Variants in ASTN2 observed in about 807,000 individuals in gnomAD.
The protein encoded by ASTN2 is astrotactin-2.
Under a neutral mutation model 139.8 loss-of-function variants are expected in ASTN2, and 54 were observed. The ratio of observed to expected loss-of-function variants is 0.39; its 90% confidence interval spans 0.31 to 0.48. The LOEUF (loss-of-function observed/expected upper bound fraction) is 0.48. Ranked by LOEUF, ASTN2 falls within the 20% of genes least tolerant of loss-of-function variation. ASTN2 has a pLI of 0.95. For synonymous variants in ASTN2, 756 were observed against 719.5 expected (o/e 1.05, Z -0.81); for missense variants, 1,565 against 1,725.1 (o/e 0.91, Z 1.64).
intron 10 of ASTN2, among the ~76,000 whole-genome samples, chr9:116,964,252 TGTGTGCGCGCGCGCGC>T (rs1356352679): frequency 6.5e-4 from 84 of 128,992 alleles, no homozygotes; most frequent in African/African-American, 2.5e-3. Flanking sequence ...TGTGTGTGTG[TGTGTGCGCGCGCGCGC>T]GTGTGTGTTG....
intron 19 of ASTN2, among the ~76,000 whole-genome samples, chr9:116,518,022 A>G (rs1850719825): frequency 1.3e-5 from 2 of 152,322 alleles, no homozygotes; most frequent in South Asian, 4.1e-4. Context: ...TAAACATCCA[A>G]ACTTAAGAAT....
At chr9:117,202,491 C>G (rs1251198677) in intron 3 of ASTN2, among the ~76,000 whole-genome samples, 1 of 152,060 alleles carries the variant, frequency 6.6e-6, no homozygotes, top group Non-Finnish European at 1.5e-5. Flanking sequence ...TTTTTCCTTT[C>G]ATATTTAGTG....
At chr9:116,696,520 CTTCT>C (rs1860861855) in intron 16 of ASTN2, among the ~76,000 whole-genome samples, 1 of 152,160 alleles carries the variant, frequency 6.6e-6, no homozygotes, top group African/African-American at 2.4e-5. Flanking sequence ...CTTTTGCCCA[CTTCT>C]TTCTTCCCTC....
chr9:116,513,673 A>G (rs1255389729), intron 19 of ASTN2, among the ~76,000 whole-genome samples: 3 of 152,148 alleles, frequency 2.0e-5, no homozygotes, highest in East Asian at 3.9e-4. Flanking sequence ...ACATAGTCCC[A>G]TATTTCTTGG....
rs751633983 is a variant in ASTN2 at position 116,975,228 on chromosome 9, C to G, written c.1869G>C (p.Thr623=). 4 of 1,612,080 alleles carry G rather than the reference C, an allele frequency of 2.5e-6. No individual in the cohort carries two copies. Among genetic ancestry groups the G allele is most frequent in the Non-Finnish European group, 3.4e-6 (4 of 1,179,084 alleles). The change falls in exon 10 of 23, where the codon ACG becomes ACC. Residue 623 remains threonine, a synonymous_variant. Coordinates refer to ENST00000313400, the MANE Select transcript of ASTN2 (RefSeq NM_001365068.1). ...CCTACCTGACATCTGCAGGGTCTTC[C>G]GTGACGAGCACATCGGTCTTGCAGC... is the stretch of plus-strand genomic sequence containing the variant. ...LASCKTDVLV[T]EDPADVREEA... is the part of the protein sequence containing the mutation.
intron 19 of ASTN2, among the ~76,000 whole-genome samples, chr9:116,617,151 T>A (rs1222722584): frequency 6.6e-6 from 1 of 152,186 alleles, no homozygotes; most frequent in Non-Finnish European, 1.5e-5. Context: ...ATGTTGTCCA[T>A]AATCTGGGCT....
At chr9:117,084,898 T>A (rs142299430) in intron 5 of ASTN2, among the ~76,000 whole-genome samples, 1 of 152,182 alleles carries the variant, frequency 6.6e-6, no homozygotes, top group African/African-American at 2.4e-5. Flanking sequence ...ATTCTTGGAA[T>A]TGGCATTTTA....
At chr9:117,038,475 T>C (rs1318583692) in intron 6 of ASTN2, among the ~76,000 whole-genome samples, 1 of 152,134 alleles carries the variant, frequency 6.6e-6, no homozygotes, top group Non-Finnish European at 1.5e-5. Flanking sequence ...TCTTGTTACA[T>C]GTCCTTATCA....
At chr9:116,450,322 GCCTACTGACT>G (rs138440709) in intron 20 of ASTN2, among the ~76,000 whole-genome samples, 40,459 of 151,954 alleles carry the variant, frequency 0.27, 5,764 homozygotes, top group Admixed American at 0.4. Context: ...CCAGAGGAAA[GCCTACTGACT>G]CCAATGTAGA....
chr9:117,293,880 G>A (rs983299304), intron 1 of ASTN2, among the ~76,000 whole-genome samples: 3 of 152,256 alleles, frequency 2.0e-5, no homozygotes. Context: ...AGTTCCATGT[G>A]CTGCTGGCTA....
At chr9:117,098,001 G>C (rs10122215) in intron 4 of ASTN2, among the ~76,000 whole-genome samples, 1,856 of 152,252 alleles carry the variant, frequency 0.012, 42 homozygotes, top group African/African-American at 0.042. Context: ...ATAAAGCAAA[G>C]ATGCAAAGAC....
At chr9:117,358,131 C>T (rs1204116577) in intron 1 of ASTN2, among the ~76,000 whole-genome samples, 1 of 152,078 alleles carries the variant, frequency 6.6e-6, no homozygotes, top group Non-Finnish European at 1.5e-5. Flanking sequence ...GTTTAAGAAG[C>T]CTTCTAGTTT....
chr9:116,597,299 A>ATTTCTGTTTTT (rs1854628928), intron 19 of ASTN2, among the ~76,000 whole-genome samples: 1 of 75,532 alleles, frequency 1.3e-5, no homozygotes, highest in Admixed American at 1.9e-4. Flanking sequence ...CTTTTGATCT[A>ATTTCTGTTTTT]TTTTTTTTTT....
At position 116,794,914 on chromosome 9, in the gene ASTN2, C is replaced by G. The variant is rs567330356; in HGVS notation, c.2396+10718G>C. Reference sequence around the variant, plus strand: ...AGCTTTATGCTGTTTGAAAGGGCCTCCTTTCCTATTGGGCAAGTGGCACTT... The same window carrying G: ...AGCTTTATGCTGTTTGAAAGGGCCTGCTTTCCTATTGGGCAAGTGGCACTT... On this transcript the variant is annotated intron_variant, in intron 13 of 22. Transcript: ENST00000313400. 2.0e-5 allele frequency among the ~76,000 whole-genome samples: 3 copies of G among 152,264 alleles called. No individual in the cohort carries two copies. In the South Asian group the frequency reaches 6.2e-4, roughly 32 times the overall value.
chr9:116,510,258 T>C (rs987436382), intron 19 of ASTN2, among the ~76,000 whole-genome samples: 2 of 152,218 alleles, frequency 1.3e-5, no homozygotes, highest in African/African-American at 2.4e-5. Context: ...ATTTGTTAAA[T>C]AGGGAATCCT....
intron 2 of ASTN2, among the ~76,000 whole-genome samples, chr9:117,231,047 T>C (rs937183398): frequency 6.6e-6 from 1 of 152,196 alleles, no homozygotes; most frequent in Non-Finnish European, 1.5e-5. Context: ...GACCTTATCA[T>C]CAGGTAGGGT....
chr9:117,264,187 G>A (rs182143557), intron 2 of ASTN2, among the ~76,000 whole-genome samples: 5 of 151,768 alleles, frequency 3.3e-5, no homozygotes, highest in Admixed American at 3.3e-4. Context: ...TTTTCTAGGT[G>A]ATACTGAGTT....
chr9:117,281,712 C>T (rs1484554568), intron 2 of ASTN2, among the ~76,000 whole-genome samples: 2 of 152,072 alleles, frequency 1.3e-5, no homozygotes, highest in African/African-American at 2.4e-5. Flanking sequence ...CCAACCTGTC[C>T]GCCCCTCCCC....
At chr9:116,602,208 G>A (rs576597779) in intron 19 of ASTN2, among the ~76,000 whole-genome samples, 3 of 152,282 alleles carry the variant, frequency 2.0e-5, no homozygotes, top group East Asian at 3.9e-4. Context: ...AGAAGACAGA[G>A]GGGAGTAAGC....
Sources: allele counts gnomAD v4.1 joint callset (sites outside exome capture counted in the v4.1 genomes callset), GRCh38; gene constraint gnomAD v4.1.1; transcripts MANE v1.5; gene names NCBI Gene and HGNC (gene_info 2026-07-23, HGNC 2026-07-21).